The following HIP1 variants were observed in gnomAD, a reference collection of about 807,000 sequenced individuals.
HIP1 encodes the protein huntingtin interacting protein 1, also known as huntingtin-interacting protein 1.
A neutral mutation model predicts 147.6 loss-of-function variants in HIP1; 65 were observed. That is an observed-to-expected ratio of 0.44 (90% confidence interval 0.36 to 0.54). The LOEUF is 0.54. Ranked by LOEUF, HIP1 falls within the 20% of genes least tolerant of loss-of-function variation. The probability of loss-of-function intolerance (pLI) is 0.00; values close to 1 mark genes in which losing one functional copy is unlikely to be tolerated. For synonymous variants in HIP1, 479 were observed against 504.0 expected (o/e 0.95, Z 0.67); for missense variants, 1,061 against 1,299.6 (o/e 0.82, Z 2.82).
chr7:75,649,259 G>A (rs1798900856), intron 1 of HIP1, among the ~76,000 whole-genome samples: 1 of 152,182 alleles, frequency 6.6e-6, no homozygotes, highest in Non-Finnish European at 1.5e-5. Flanking sequence ...CCCGACCTCA[G>A]ATGATCAGCC....
intron 4 of HIP1, among the ~76,000 whole-genome samples, chr7:75,591,287 C>T (rs1554500692): frequency 1.3e-5 from 2 of 152,076 alleles, no homozygotes. Flanking sequence ...CTTGCCTCGG[C>T]CTCCTAAAGT....
intron 1 of HIP1, among the ~76,000 whole-genome samples, chr7:75,652,658 C>A (rs1487074560): frequency 1.3e-5 from 2 of 152,016 alleles, no homozygotes; most frequent in African/African-American, 4.8e-5. Context: ...AGCCACCATG[C>A]CCAGCCACAT....
intron 1 of HIP1, among the ~76,000 whole-genome samples, chr7:75,615,534 A>T (rs1231097117): frequency 1.3e-5 from 2 of 152,008 alleles, no homozygotes; most frequent in African/African-American, 4.8e-5. Context: ...CATGAATGAC[A>T]GATGGAGACC....
chr7:75,614,218 T>C (rs1348010090), intron 1 of HIP1, among the ~76,000 whole-genome samples: 1 of 152,182 alleles, frequency 6.6e-6, no homozygotes, highest in Non-Finnish European at 1.5e-5. Flanking sequence ...CCCAGCTAAT[T>C]TTTGTAGAGA....
At chr7:75,713,730 T>TC (rs1554520303) in intron 1 of HIP1, among the ~76,000 whole-genome samples, 6 of 150,522 alleles carry the variant, frequency 4.0e-5, no homozygotes, top group Non-Finnish European at 7.4e-5. Context: ...GGAGTCTCGC[T>TC]CTGTTGCCCA....
intron 16 of HIP1, 48 bp downstream of exon 16, chr7:75,557,606 C>T: frequency 1.4e-6 from 2 of 1,418,608 alleles, no homozygotes; most frequent in Non-Finnish European, 2.0e-6. Context: ...CCGCCACCAA[C>T]TCAACAGCCC....
At chr7:75,667,511 G>T (rs1400348604) in intron 1 of HIP1, among the ~76,000 whole-genome samples, 1 of 152,092 alleles carries the variant, frequency 6.6e-6, no homozygotes, top group Non-Finnish European at 1.5e-5. Context: ...ATGGAGGCAG[G>T]GTCTCCCTCT....
chr7:75,597,384 C>T (rs1796785213), intron 2 of HIP1, among the ~76,000 whole-genome samples: 3 of 152,272 alleles, frequency 2.0e-5, no homozygotes, highest in Admixed American at 2.0e-4. Flanking sequence ...GACACAGTAA[C>T]CAAGAGCCCA....
chr7:75,551,096 T>A (rs180739637), intron 22 of HIP1, among the ~76,000 whole-genome samples: 2 of 151,638 alleles, frequency 1.3e-5, no homozygotes, highest in East Asian at 3.9e-4. Flanking sequence ...AAGCCAGTTG[T>A]AGAAGAATAT....
At position 75,557,540 on chromosome 7, in the gene HIP1, T is replaced by C. The variant is rs895924600; in HGVS notation, c.1581+114A>G. The C allele has an allele frequency of 6.4e-5, 49 of 766,552 alleles. No homozygotes were observed. The African/African-American group carries it at 7.4e-4, about 12-fold the overall frequency. The allele number at this position is 766,552 out of a possible 1,614,324, so 47.5% of individuals were successfully genotyped here. A position where few individuals can be genotyped will look rare whatever the true frequency, so the allele number is the denominator to read the frequency against. ...GTGGCCACCATGGTGTGCTCCCTGC[T>C]GTGTGATGCCAACCGACCCACAGAA... is the stretch of plus-strand genomic sequence containing the variant. On this transcript the variant is annotated intron_variant, in intron 16 of 30. Coordinates refer to ENST00000336926, the MANE Select transcript of HIP1 (RefSeq NM_005338.7).
chr7:75,598,771 C>T (rs973058527), intron 2 of HIP1, among the ~76,000 whole-genome samples: 1 of 151,500 alleles, frequency 6.6e-6, no homozygotes, highest in South Asian at 2.1e-4. Flanking sequence ...TAGTGGTGCA[C>T]ACCTGTAGTC....
At chr7:75,544,532 A>G (rs1794467474) in intron 27 of HIP1, among the ~76,000 whole-genome samples, 163 bp downstream of exon 27, 1 of 151,986 alleles carries the variant, frequency 6.6e-6, no homozygotes, top group South Asian at 2.1e-4. Context: ...AGTACTCTTT[A>G]ACCTAGCCAA....
At chr7:75,586,631 C>T (rs1796295142) in intron 5 of HIP1, 122 bp downstream of exon 5, 2 of 694,200 alleles carry the variant, frequency 2.9e-6, no homozygotes, top group African/African-American at 1.8e-5. Flanking sequence ...ATGATGTGCA[C>T]ACTTCCTCAG....
intron 8 of HIP1, among the ~76,000 whole-genome samples, chr7:75,572,578 C>T (rs1160211052): frequency 6.6e-6 from 1 of 152,212 alleles, no homozygotes; most frequent in Non-Finnish European, 1.5e-5. Flanking sequence ...TCCAGATGGC[C>T]TGCCACTGCC....
At chr7:75,570,134 G>A (rs587614692) in intron 8 of HIP1, among the ~76,000 whole-genome samples, 16 of 151,070 alleles carry the variant, frequency 1.1e-4, no homozygotes, top group South Asian at 6.3e-4. Context: ...GGGTTTCGCC[G>A]TGTTGGCCAG....
intron 1 of HIP1, among the ~76,000 whole-genome samples, chr7:75,680,670 C>T (rs12056042): frequency 0.58 from 88,579 of 151,778 alleles, 26,416 homozygotes; most frequent in African/African-American, 0.69. Context: ...AGTGCAGTGG[C>T]GCCATCTCTG....
chr7:75,539,198 AG>A (rs1162464674), intron 30 of HIP1, 124 bp downstream of exon 30: 5 of 679,008 alleles, frequency 7.4e-6, no homozygotes, highest in Admixed American at 2.3e-5. Flanking sequence ...CCATGAGGAG[AG>A]AAGAGAAGGA....
intron 2 of HIP1, among the ~76,000 whole-genome samples, chr7:75,598,422 CT>C (rs1554502387): frequency 1.4e-5 from 2 of 141,724 alleles, no homozygotes; most frequent in Non-Finnish European, 1.6e-5. Context: ...AAAAAACTCT[CT>C]TTTTCTTTTT....
chr7:75,711,097 C>CA (rs1487639425), intron 1 of HIP1, among the ~76,000 whole-genome samples: 3 of 152,126 alleles, frequency 2.0e-5, no homozygotes, highest in African/African-American at 7.2e-5. Context: ...GAATTTCCCC[C>CA]AAAGTATTAA....
Sources: gnomAD v4.1 joint callset for allele counts (sites outside exome capture counted in the v4.1 genomes callset) on GRCh38, gnomAD v4.1.1 for gene constraint, MANE v1.5 for transcripts, NCBI Gene and HGNC (gene_info 2026-07-23, HGNC 2026-07-21) for gene names.